BAIAP3: variants seen among roughly 807,000 people sequenced by gnomAD.
BAIAP3 encodes BAI1 associated protein 3.
BAIAP3 carries 180 observed loss-of-function variants against 149.7 expected under a neutral mutation model. The observed-to-expected ratio is 1.20, with a 90% CI of 1.07 to 1.36. The LOEUF (loss-of-function observed/expected upper bound fraction) is 1.36. Ranked by LOEUF, BAIAP3 falls within the 40% of genes most tolerant of loss-of-function variation. BAIAP3 has a pLI of 0.00. For synonymous variants in BAIAP3, 845 were observed against 670.7 expected (o/e 1.26, Z -4.02); for missense variants, 1,767 against 1,563.4 (o/e 1.13, Z -2.20).
In BAIAP3 at chr16:1,345,379, G is replaced by C; in HGVS notation, c.2064+7G>C. The C allele has an allele frequency of 1.2e-6, 2 of 1,610,270 alleles. No homozygotes were observed. Among genetic ancestry groups the C allele is most frequent in the South Asian group, 2.2e-5 (2 of 90,900 alleles). On this transcript the variant is annotated splice_region_variant and intron_variant, in intron 22 of 33. Coordinates refer to ENST00000426824, the MANE Select transcript of BAIAP3 (RefSeq NM_001199097.2). ...AGCCGTGGACATGGACACGGTGACA[G>C]CTGCCCTGGCCTGAGGACACTGGGG...
intron 14 of BAIAP3, 107 bp from the exon 15 acceptor site, chr16:1,343,286 C>T: frequency 6.9e-7 from 1 of 1,459,322 alleles, no homozygotes; most frequent in East Asian, 2.5e-5. Flanking sequence ...GTAGGCGCGG[C>T]AGTGCTGATT....
rs768238384 is a variant in BAIAP3, at chr16:1,346,188, A to G, written c.2320A>G (p.Asn774Asp). 6.2e-7 allele frequency: 1 copy of G among 1,611,786 alleles called. No homozygotes were observed. Among genetic ancestry groups the G allele is most frequent in the Admixed American group, 1.7e-5 (1 of 59,994 alleles). ...VSEALCVVLNNVELVRKAAGQ... is the reference protein window; with the variant it reads ...VSEALCVVLNDVELVRKAAGQ... ...CCTCCAGCTCTGCGTGGTCCTCAACAATGTGGAGCTCGTGCGCAAGGCTGC... is the reference window on the plus strand; with the variant it reads ...CCTCCAGCTCTGCGTGGTCCTCAACGATGTGGAGCTCGTGCGCAAGGCTGC... The change falls in exon 25 of 34, where the codon AAT becomes GAT. Residue 774 changes from asparagine to aspartate, a missense_variant. Coordinates refer to ENST00000426824, the MANE Select transcript of BAIAP3 (RefSeq NM_001199097.2).
At chr16:1,345,168 C>T (rs35903896) in intron 21 of BAIAP3, 69 bp downstream of exon 21, 47,518 of 1,609,920 alleles carry the variant, frequency 0.03, 898 homozygotes, top group Non-Finnish European at 0.036. Flanking sequence ...GTGAGGGGGA[C>T]GGTCCTGGAG....
chr16:1,342,570 C>A lies in BAIAP3; in HGVS notation c.1001C>A (p.Pro334Gln), dbSNP rs754283259. The A allele has an allele frequency of 1.3e-6, 2 of 1,559,226 alleles. No individual in the cohort carries two copies. The highest frequency in any genetic ancestry group is 2.4e-5 in the South Asian group (2 of 85,018). ...AGVDRWFKLE[P>Q]RSSASRVQGH... The stretch of plus-strand genomic sequence containing the variant: ...GTCGACCGCTGGTTCAAGCTGGAGC[C>A]ACGCTCCAGTGCCTCGCGTGTGCAG... Residue 334 changes from proline (P) to glutamine (Q), a missense_variant, in exon 12 of 34, where the codon CCA (proline) becomes CAA (glutamine). Physicochemically the swap from Pro to Gln is moderately conservative, Grantham distance 76. Coordinates refer to ENST00000426824, the MANE Select transcript of BAIAP3 (RefSeq NM_001199097.2).
rs538937164 is a variant in BAIAP3, at chr16:1,344,355, C to T, written c.1602+38C>T. ...GCCCAGTGGAGGCCGGCTGCTAAGC[C>T]CTCCCTTCCCCTTCCCTGCCTTCCC... On this transcript the variant is annotated intron_variant, in intron 17 of 33. Transcript: ENST00000426824. 318 of 1,612,248 alleles carry T rather than the reference C, an allele frequency of 2.0e-4. No homozygotes were observed. In the East Asian group the frequency reaches 4.7e-3, roughly 24 times the overall value.
chr16:1,339,812 GACACAC>G (rs796854566), intron 5 of BAIAP3, among the ~76,000 whole-genome samples: 67 of 126,600 alleles, frequency 5.3e-4, no homozygotes, highest in African/African-American at 2.0e-3. Context: ...GGTGCACACA[GACACAC>G]ACACAGGCTG....
chr16:1,346,299 C>T lies in BAIAP3; in HGVS notation c.2431C>T (p.Gln811Ter). 1 of 1,606,374 alleles carries T rather than the reference C, an allele frequency of 6.2e-7. No individual in the cohort carries two copies. The highest frequency in any genetic ancestry group is 8.5e-7 in the Non-Finnish European group (1 of 1,175,260). The change falls in exon 25 of 34, where the codon CAG becomes TAG. Residue 811 changes from glutamine (Q) to a stop codon, truncating the protein, a stop_gained. Transcript: ENST00000426824. LOFTEE classifies it high-confidence loss of function. ...VLPRPLLSCTQALDDDLQREA... is the reference protein window; with the variant it reads ...VLPRPLLSCT ...CCCCCGCCCTCTGCTCAGCTGCACA[C>T]AGGCCCTGGACGATGATCTGCAACG...
intron 4 of BAIAP3, 72 bp from the exon 5 acceptor site, chr16:1,339,424 G>C (rs1484642219): frequency 1.3e-6 from 2 of 1,515,236 alleles, no homozygotes; most frequent in African/African-American, 2.7e-5. Flanking sequence ...CTGGGCTCAG[G>C]CAGACAGGAG....
At position 1,348,244 on chromosome 16, in the gene BAIAP3, G is replaced by T; in HGVS notation, c.3298G>T (p.Gly1100Trp). The T allele has an allele frequency of 6.2e-7, 1 of 1,604,264 alleles. No homozygotes were observed. ...VTGVARPQVG[G>W]GARAGQPVTL... ...TGGTGTCGCCCGGCCCCAGGTGGGC[G>T]GGGGTGCAAGGGCTGGGCAGCCTGT... The change falls in exon 33 of 34, where the codon GGG becomes TGG. Residue 1100 changes from glycine to tryptophan, a missense_variant. By Grantham distance (184) the Gly-to-Trp change is radical. Coordinates refer to ENST00000426824, the MANE Select transcript of BAIAP3 (RefSeq NM_001199097.2).
At position 1,344,041 on chromosome 16, in the gene BAIAP3, G is replaced by C; in HGVS notation, c.1406G>C (p.Ser469Thr). 6.2e-7 allele frequency: 1 copy of C among 1,612,466 alleles called. No homozygotes were observed. The highest frequency in any genetic ancestry group is 8.5e-7 in the Non-Finnish European group (1 of 1,179,912). The change falls in exon 16 of 34, where the codon AGC (serine) becomes ACC (threonine). Residue 469 changes from serine (S) to threonine (T), a missense_variant. Coordinates refer to ENST00000426824, the MANE Select transcript of BAIAP3 (RefSeq NM_001199097.2). ...CCACAGGAGGAGAGCCTGGCTGATA[G>C]CCTTTCCGCCTTCTCTGAGTTCGGG... The part of the protein sequence containing the change: ...PQEQEESLAD[S>T]LSAFSEFGLQ...
Position 1,348,591 on chromosome 16 carries a change from G to A in BAIAP3, c.*109G>A, listed in dbSNP as rs540693805. ...AACCAGGGCCCACGGCGCCCCTCCT[G>A]TGCTGTGACGTGTGTGTCGTGGCTG... On this transcript the variant is annotated 3_prime_UTR_variant, in exon 34 of 34. Coordinates refer to ENST00000426824, the MANE Select transcript of BAIAP3 (RefSeq NM_001199097.2). 1.4e-5 allele frequency: 15 copies of A among 1,072,242 alleles called. No homozygotes were observed. The Admixed American group carries it at 2.3e-4, about 17-fold the overall frequency. The allele number at this position is 1,072,242 out of a possible 1,614,324, so 66.4% of individuals were successfully genotyped here. A position where few individuals can be genotyped will look rare whatever the true frequency, so the allele number is the denominator to read the frequency against.
intron 3 of BAIAP3, 37 bp downstream of exon 3, chr16:1,339,026 C>T (rs1305679901): frequency 6.2e-7 from 1 of 1,610,066 alleles, no homozygotes; most frequent in East Asian, 2.2e-5. Flanking sequence ...TACCACAGCC[C>T]AGCATGGGGC....
At position 1,344,599 on chromosome 16, in the gene BAIAP3, A is replaced by T; in HGVS notation, c.1660-2A>T. 1 of 1,612,908 alleles carries T rather than the reference A, an allele frequency of 6.2e-7. No homozygotes were observed. Among genetic ancestry groups the T allele is most frequent in the Non-Finnish European group, 8.5e-7 (1 of 1,180,006 alleles). On this transcript the variant is annotated splice_acceptor_variant, in intron 18 of 33. Coordinates refer to ENST00000426824, the MANE Select transcript of BAIAP3 (RefSeq NM_001199097.2). LOFTEE classifies it high-confidence loss of function. ...GTGGGTACGAGCTAGGCTTCCTTGC[A>T]GCCAGGACCACAGCGCCTGCCTGGG...
chr16:1,347,383 C>G lies in BAIAP3; in HGVS notation c.2823+14C>G. 6.2e-7 allele frequency: 1 copy of G among 1,612,770 alleles called. No individual in the cohort carries two copies. Among genetic ancestry groups the G allele is most frequent in the African/African-American group, 1.3e-5 (1 of 75,028 alleles). On this transcript the variant is annotated intron_variant, in intron 29 of 33. Transcript: ENST00000426824. ...GGAAGCTACAAGGTGAGGTGGGACC[C>G]TCTGTGGGGCGGGGGTGTGGATGAG...
intron 2 of BAIAP3, 78 bp downstream of exon 2, chr16:1,338,758 C>G: frequency 3.2e-6 from 5 of 1,569,566 alleles, no homozygotes; most frequent in Non-Finnish European, 4.3e-6. Context: ...GCCCCTGCCC[C>G]AGCACCCCTG....
Position 1,342,600 on chromosome 16 carries a change from A to C in BAIAP3, c.1031A>C (p.His344Pro). The C allele has an allele frequency of 6.4e-7, 1 of 1,571,350 alleles. No homozygotes were observed. The highest frequency in any genetic ancestry group is 1.2e-5 in the South Asian group (1 of 86,192). ...TCCAGTGCCTCGCGTGTGCAGGGAC[A>C]CTGCCACCTGGTTCTCAAGCTGATC... ...PRSSASRVQG[H>P]CHLVLKLITT... The change falls in exon 12 of 34, where the codon CAC (histidine) becomes CCC (proline). Residue 344 changes from histidine to proline, a missense_variant. Transcript: ENST00000426824.
Position 1,347,347 on chromosome 16 carries a change from G to C in BAIAP3, c.2801G>C (p.Ser934Thr). ...HAEGQGLPLE[S>T]LRDGSYKRLK... Reference sequence around the variant, plus strand: ...GAGGGTCAGGGTTTGCCCCTGGAGAGCCTGAGGGATGGAAGCTACAAGGTG... The same window carrying C: ...GAGGGTCAGGGTTTGCCCCTGGAGACCCTGAGGGATGGAAGCTACAAGGTG... The change falls in exon 29 of 34, where the codon AGC becomes ACC. Residue 934 changes from serine to threonine, a missense_variant. Physicochemically the swap from Ser to Thr is moderately conservative, Grantham distance 58 (BLOSUM62 1). Transcript: ENST00000426824. 1.2e-6 allele frequency: 2 copies of C among 1,613,604 alleles called. No homozygotes were observed. Among genetic ancestry groups the C allele is most frequent in the Non-Finnish European group, 1.7e-6 (2 of 1,179,980 alleles).
chr16:1,346,391 A>T (rs761069172), intron 25 of BAIAP3, 30 bp downstream of exon 25: 10 of 1,611,316 alleles, frequency 6.2e-6, no homozygotes, highest in Non-Finnish European at 6.8e-6. Context: ...CAAGGCGTGG[A>T]GGCAGTCCCT....
At chr16:1,333,910 T>C (rs4984812) in intron 1 of BAIAP3, among the ~76,000 whole-genome samples, 161 bp downstream of exon 1, 139,522 of 151,980 alleles carry the variant, frequency 0.92, 64,148 homozygotes, top group East Asian at 1. Flanking sequence ...GGTCTCGACG[T>C]CCCCTCGGCC....
Sources: gnomAD v4.1 joint callset for allele counts (sites outside exome capture counted in the v4.1 genomes callset) on GRCh38, gnomAD v4.1.1 for gene constraint, MANE v1.5 for transcripts, NCBI Gene and HGNC (gene_info 2026-07-23, HGNC 2026-07-21) for gene names.